The following IL10RA variants were observed in gnomAD, a reference collection of about 807,000 sequenced individuals.
The protein encoded by IL10RA is interleukin 10 receptor subunit alpha.
In IL10RA, 18 loss-of-function variants were observed where a neutral mutation model predicts 29.6. The observed-to-expected ratio is 0.61, with a 90% CI of 0.42 to 0.90. IL10RA has a LOEUF of 0.90. Among genes scored for constraint, IL10RA ranks in the 40% least tolerant of loss-of-function variants. IL10RA has a pLI of 0.00. For synonymous variants in IL10RA, 292 were observed against 294.1 expected (o/e 0.99, Z 0.07); for missense variants, 634 against 716.6 (o/e 0.88, Z 1.32).
Position 117,999,839 on chromosome 11 carries a change from G to A in IL10RA, c.*198G>A, listed in dbSNP as rs1251215215. 3 of 697,650 alleles carry A rather than the reference G, an allele frequency of 4.3e-6. No homozygotes were observed. Among genetic ancestry groups the A allele is most frequent in the Non-Finnish European group, 7.8e-6 (3 of 383,968 alleles). 43.2% of individuals were successfully genotyped at this position (697,650 alleles called of 1,614,324 possible). ...GAGGAGGCCAACTCACTGAACTAGT[G>A]CAGGGTATGTGGGTGGCACTGACCT... is the stretch of plus-strand genomic sequence containing the variant. On this transcript the variant is annotated 3_prime_UTR_variant, in exon 7 of 7. Transcript: ENST00000227752.
At chr11:117,994,254 T>C in intron 5 of IL10RA, 105 bp downstream of exon 5, 1 of 939,360 alleles carries the variant, frequency 1.1e-6, no homozygotes, top group Non-Finnish European at 1.6e-6. Context: ...CTGTGTTAGG[T>C]GCTGCTTCAC....
intron 3 of IL10RA, among the ~76,000 whole-genome samples, chr11:117,992,826 G>C (rs924550014): frequency 4.6e-5 from 7 of 152,194 alleles, no homozygotes; most frequent in African/African-American, 1.4e-4. Context: ...TATAGTTTCA[G>C]GTGTTACATT....
At chr11:117,997,385 A>G (rs1324165887) in intron 6 of IL10RA, among the ~76,000 whole-genome samples, 1 of 152,252 alleles carries the variant, frequency 6.6e-6, no homozygotes, top group Non-Finnish European at 1.5e-5. Flanking sequence ...GAGGAACTAA[A>G]GCACAGAGAG....
At chr11:117,990,357 T>C (rs61120686) in intron 3 of IL10RA, among the ~76,000 whole-genome samples, 11 of 149,834 alleles carry the variant, frequency 7.3e-5, no homozygotes, top group Admixed American at 4.0e-4. Flanking sequence ...TCTGTATTTT[T>C]TTTTTTTTTA....
rs544211984 is a variant in IL10RA at position 117,999,971 on chromosome 11, G to T, written c.*330G>T. On this transcript the variant is annotated 3_prime_UTR_variant, in exon 7 of 7. Transcript: ENST00000227752. ...ATCATAAAGGATTATTTGCTCAGGGGAACCATGGGGCTTTCTGGAGTTGTG... is the reference window on the plus strand; with the variant it reads ...ATCATAAAGGATTATTTGCTCAGGGTAACCATGGGGCTTTCTGGAGTTGTG... The T allele has an allele frequency of 3.6e-5, 18 of 501,036 alleles. No homozygotes were observed. The highest frequency in any genetic ancestry group is 2.8e-4 in the South Asian group (18 of 64,904). The allele number at this position is 501,036 out of a possible 1,614,324, so 31.0% of individuals were successfully genotyped here.
At chr11:117,992,641 A>G (rs1272862101) in intron 3 of IL10RA, among the ~76,000 whole-genome samples, 2 of 152,176 alleles carry the variant, frequency 1.3e-5, no homozygotes, top group East Asian at 3.8e-4. Context: ...CCATTCATAG[A>G]TTGTGTCTTC....
chr11:117,999,046 C>T lies in IL10RA; in HGVS notation c.1142C>T (p.Pro381Leu), dbSNP rs777418923. 6.2e-7 allele frequency: 1 copy of T among 1,612,960 alleles called. No individual in the cohort carries two copies. The highest frequency in any genetic ancestry group is 1.1e-5 in the South Asian group (1 of 91,054). Residue 381 changes from proline to leucine, a missense_variant, in exon 7 of 7, where the codon CCC (proline) becomes CTC (leucine). Pro to Leu is a moderately conservative substitution (Grantham distance 98). Transcript: ENST00000227752. ...GICLQEPSLSPSTGPTWEQQV... is the reference protein window; with the variant it reads ...GICLQEPSLSLSTGPTWEQQV... ...TGCCTGCAGGAGCCCAGCCTGAGCC[C>T]CAGCACAGGGCCCACCTGGGAGCAA...
intron 6 of IL10RA, 136 bp from the exon 7 acceptor site, chr11:117,998,579 A>G (rs1198724506): frequency 1.0e-5 from 8 of 776,582 alleles, no homozygotes; most frequent in Non-Finnish European, 1.8e-5. Context: ...AAAACAAAAC[A>G]GAATACATTC....
intron 3 of IL10RA, among the ~76,000 whole-genome samples, chr11:117,991,672 T>C (rs2058023107): frequency 6.6e-6 from 1 of 152,254 alleles, no homozygotes; most frequent in Non-Finnish European, 1.5e-5. Context: ...TTTATCTCTT[T>C]GCACCTGGCT....
At chr11:117,991,801 C>T (rs527643369) in intron 3 of IL10RA, among the ~76,000 whole-genome samples, 14 of 152,170 alleles carry the variant, frequency 9.2e-5, no homozygotes, top group African/African-American at 3.4e-4. Context: ...ATGTCTTGAT[C>T]TCATCTCACT....
At position 117,995,577 on chromosome 11, in the gene IL10RA, C is replaced by G; in HGVS notation, c.689-12C>G. The G allele has an allele frequency of 1.9e-6, 3 of 1,614,186 alleles. No individual in the cohort carries two copies. Among genetic ancestry groups the G allele is most frequent in the South Asian group, 1.1e-5 (1 of 91,084 alleles). On this transcript the variant is annotated splice_polypyrimidine_tract_variant and intron_variant, in intron 5 of 6. Coordinates refer to ENST00000227752, the MANE Select transcript of IL10RA (RefSeq NM_001558.4). ...GGTGACAGGCCACAAACACATCTCT[C>G]TGGGCCTGCAGATTTCACCGTGACC...
At chr11:117,990,019 G>C (rs540404969) in intron 3 of IL10RA, among the ~76,000 whole-genome samples, 5 of 152,152 alleles carry the variant, frequency 3.3e-5, no homozygotes, top group Admixed American at 6.5e-5. Context: ...ACACCCAGGG[G>C]TCATCCCTTT....
chr11:117,989,778 GT>G lies in IL10RA; in HGVS notation c.367+160del. ...CAAACAGGGCAGGACTTTGGAGAAT[GT>G]TAGATAAAAATAGCCCAAGTTGTTT... On this transcript the variant is annotated intron_variant, in intron 3 of 6. Coordinates refer to ENST00000227752, the MANE Select transcript of IL10RA (RefSeq NM_001558.4). The surrounding 1 kb of genome is among the most constrained non-coding windows in gnomAD (Gnocchi z 4.5). 2.7e-6 allele frequency: 2 copies of G among 750,004 alleles called. No individual in the cohort carries two copies. Among genetic ancestry groups the G allele is most frequent in the Non-Finnish European group, 4.6e-6 (2 of 436,854 alleles). 46.5% of individuals were successfully genotyped at this position (750,004 alleles called of 1,614,324 possible).
chr11:117,993,220 C>G, intron 3 of IL10RA, 21 bp from the exon 4 acceptor site: 1 of 1,612,634 alleles, frequency 6.2e-7, no homozygotes, highest in Non-Finnish European at 8.5e-7. Flanking sequence ...TGGTATTCCC[C>G]CCCACCCCAA....
chr11:117,998,471 G>C (rs1277095737), intron 6 of IL10RA, among the ~76,000 whole-genome samples: 1 of 152,202 alleles, frequency 6.6e-6, no homozygotes, highest in Non-Finnish European at 1.5e-5. Context: ...GCAGACCTTG[G>C]TTCTGCCTGT....
chr11:117,996,521 G>A (rs2058057783), intron 6 of IL10RA, among the ~76,000 whole-genome samples: 1 of 152,262 alleles, frequency 6.6e-6, no homozygotes, highest in African/African-American at 2.4e-5. Context: ...ACTATTGCAT[G>A]ATGGCTGAGG....
rs188306478 is a variant in IL10RA at position 117,986,735 on chromosome 11, T to C, written c.67+201T>C. On this transcript the variant is annotated intron_variant, in intron 1 of 6. Transcript: ENST00000227752. ...GCTGAAATTGACAGGAACTGACGGA[T>C]TGGGAAGGATAGAGAAGTATGCGCA... The C allele has an allele frequency of 5.2e-3, 7,940 of 1,533,506 alleles. 31 individuals carry two copies. The highest frequency in any genetic ancestry group is 6.3e-3 in the Non-Finnish European group (7,170 of 1,145,926). 95.0% of individuals were successfully genotyped at this position (1,533,506 alleles called of 1,614,324 possible).
chr11:117,986,941 CCTT>C lies in IL10RA; in HGVS notation c.67+410_67+412del, dbSNP rs556581254. ...GACTCTTCAACTAACCTCTGTCTGT[CCTT>C]CTCCCATCTCACCTTCATCCCTCAC... On this transcript the variant is annotated intron_variant, in intron 1 of 6. Transcript: ENST00000227752. 834 of 840,800 alleles carry C rather than the reference CCTT, an allele frequency of 9.9e-4. 4 individuals carry two copies. The highest frequency in any genetic ancestry group is 4.2e-3 in the South Asian group (303 of 71,692). 52.1% of individuals were successfully genotyped at this position (840,800 alleles called of 1,614,324 possible). A position where few individuals can be genotyped will look rare whatever the true frequency, so the allele number is the denominator to read the frequency against.
rs1342686509 is a variant in IL10RA, at chr11:117,999,022, G to T, written c.1118G>T (p.Cys373Phe). Reference protein sequence around the residue: ...GSSNSTDSGICLQEPSLSPST... With the variant: ...GSSNSTDSGIFLQEPSLSPST... ...AGCAATAGCACAGACAGCGGGATCT[G>T]CCTGCAGGAGCCCAGCCTGAGCCCC... The change falls in exon 7 of 7, where the codon TGC (cysteine) becomes TTC (phenylalanine). Residue 373 changes from cysteine (C) to phenylalanine (F), a missense_variant. By Grantham distance (205) the Cys-to-Phe change is radical. Transcript: ENST00000227752. 3.1e-6 allele frequency: 5 copies of T among 1,613,282 alleles called. No individual in the cohort carries two copies. The highest frequency in any genetic ancestry group is 2.2e-5 in the South Asian group (2 of 91,072).
Sources: allele counts gnomAD v4.1 joint callset (sites outside exome capture counted in the v4.1 genomes callset), GRCh38; gene constraint gnomAD v4.1.1; non-coding constraint Gnocchi (gnomAD v3.1); transcripts MANE v1.5; gene names NCBI Gene and HGNC (gene_info 2026-07-23, HGNC 2026-07-21).